The following RFX3 variants were observed in gnomAD, a reference collection of about 807,000 sequenced individuals.
The protein encoded by RFX3 is regulatory factor X3, also known as transcription factor RFX3.
RFX3 carries 14 observed loss-of-function variants against 98.6 expected under a neutral mutation model. The observed-to-expected ratio is 0.14, with a 90% CI of 0.09 to 0.22. RFX3 has a LOEUF of 0.22. RFX3 is among the 10% of genes least tolerant of loss of function. The pLI, the probability that RFX3 is intolerant of heterozygous loss-of-function variation, is 1.00. For synonymous variants in RFX3, 383 were observed against 328.4 expected (o/e 1.17, Z -1.80); for missense variants, 639 against 926.9 (o/e 0.69, Z 4.03).
intron 5 of RFX3, among the ~76,000 whole-genome samples, chr9:3,294,951 A>G (rs1827815203): frequency 6.6e-6 from 1 of 152,128 alleles, no homozygotes; most frequent in South Asian, 2.1e-4. Context: ...CAAAATAAAC[A>G]TTTGTTTTTA....
intron 4 of RFX3, 124 bp from the exon 5 acceptor site, chr9:3,301,744 C>T (rs7025328): frequency 0.12 from 71,220 of 593,848 alleles, 4,681 homozygotes; most frequent in African/African-American, 0.19. Context: ...TGAACAGTTG[C>T]CACTTAATGT....
chr9:3,304,435 A>G (rs931928661), intron 4 of RFX3, among the ~76,000 whole-genome samples: 1 of 152,020 alleles, frequency 6.6e-6, no homozygotes, highest in East Asian at 1.9e-4. Flanking sequence ...ATCCAGTAAG[A>G]GAGACAGGGT....
At chr9:3,525,155 G>T (rs1819132684) in intron 1 of RFX3, among the ~76,000 whole-genome samples, 1 of 151,902 alleles carries the variant, frequency 6.6e-6, no homozygotes, top group Admixed American at 6.6e-5. Flanking sequence ...AAAAATGAAG[G>T]GAATGGGCGG....
At chr9:3,452,129 G>A (rs1048786453) in intron 1 of RFX3, among the ~76,000 whole-genome samples, 1 of 150,448 alleles carries the variant, frequency 6.6e-6, no homozygotes, top group Non-Finnish European at 1.5e-5. Flanking sequence ...ACCCCTATGG[G>A]GATGGTGGGT....
At chr9:3,495,174 G>A (rs1269909159) in intron 1 of RFX3, among the ~76,000 whole-genome samples, 3 of 150,996 alleles carry the variant, frequency 2.0e-5, no homozygotes, top group African/African-American at 7.3e-5. Context: ...AGAATATCAA[G>A]GAAAAAAAGA....
chr9:3,508,970 C>T, intron 1 of RFX3, among the ~76,000 whole-genome samples: 1 of 151,862 alleles, frequency 6.6e-6, no homozygotes, highest in Non-Finnish European at 1.5e-5. Context: ...CACACACACA[C>T]ACACACAGAA....
chr9:3,289,397 G>A (rs182661657), intron 6 of RFX3, among the ~76,000 whole-genome samples: 16 of 152,120 alleles, frequency 1.1e-4, no homozygotes, highest in South Asian at 2.1e-4. Flanking sequence ...CTTAACGCCC[G>A]TAAAGAAAGG....
intron 14 of RFX3, among the ~76,000 whole-genome samples, chr9:3,253,550 T>G (rs78169311): frequency 1.3e-3 from 1 of 770 alleles, no homozygotes; most frequent in African/African-American, 1.4e-3. Context: ...AAGGCAGTGA[T>G]TTTTTTTTTC....
intron 14 of RFX3, among the ~76,000 whole-genome samples, chr9:3,250,582 C>T (rs552171660): frequency 2.2e-4 from 33 of 152,114 alleles, no homozygotes; most frequent in African/African-American, 7.7e-4. Flanking sequence ...AAACCTTTGA[C>T]CCAGCAATCT....
chr9:3,426,759 G>A (rs1445346714), intron 1 of RFX3, among the ~76,000 whole-genome samples: 1 of 152,124 alleles, frequency 6.6e-6, no homozygotes, highest in Non-Finnish European at 1.5e-5. Flanking sequence ...CCCCAGATGG[G>A]ACTGTCTAGC....
Position 3,383,174 on chromosome 9 carries a change from G to A in RFX3, c.117+12298C>T, listed in dbSNP as rs918847836. Reference sequence around the variant, plus strand: ...TATCATTTTTCCCTCTTTTTTTAAGGTTCTATATTTATTGATGTTCATACT... The same window carrying A: ...TATCATTTTTCCCTCTTTTTTTAAGATTCTATATTTATTGATGTTCATACT... On this transcript the variant is annotated intron_variant, in intron 2 of 16. Coordinates refer to ENST00000617270, the MANE Select transcript of RFX3 (RefSeq NM_001282116.2). Among the ~76,000 whole-genome samples the A allele has an allele frequency of 4.7e-4, 72 of 151,710 alleles. 1 individual carries two copies. Among genetic ancestry groups the A allele is most frequent in the Admixed American group, 4.6e-3 (70 of 15,210 alleles).
At chr9:3,345,686 C>T (rs533768342) in intron 3 of RFX3, among the ~76,000 whole-genome samples, 21 of 152,046 alleles carry the variant, frequency 1.4e-4, no homozygotes, top group Non-Finnish European at 2.8e-4. Context: ...AATTATAAAA[C>T]GAATACAAAA....
intron 1 of RFX3, among the ~76,000 whole-genome samples, chr9:3,507,273 G>A (rs1373652357): frequency 1.3e-5 from 2 of 151,858 alleles, no homozygotes; most frequent in African/African-American, 4.8e-5. Context: ...AAGTAGGGTA[G>A]AAAACACATT....
chr9:3,228,774 T>C, intron 16 of RFX3, 73 bp downstream of exon 16: 3 of 1,233,000 alleles, frequency 2.4e-6, no homozygotes, highest in East Asian at 2.4e-5. Context: ...TGTAAACATA[T>C]ACCGTATTTT....
At chr9:3,395,021 C>T (rs1319122203) in intron 2 of RFX3, 1 of 216,970 alleles carries the variant, frequency 4.6e-6, no homozygotes, top group Non-Finnish European at 7.8e-6. Flanking sequence ...TGCAAAGGCA[C>T]TTTCTAAAAT....
intron 1 of RFX3, among the ~76,000 whole-genome samples, chr9:3,513,661 G>A (rs1817859685): frequency 6.6e-6 from 1 of 152,216 alleles, no homozygotes; most frequent in East Asian, 1.9e-4. Flanking sequence ...GACTGGAAGT[G>A]AGTGTTGCAT....
At chr9:3,257,300 A>C in intron 13 of RFX3, 101 bp from the exon 14 acceptor site, 1 of 908,738 alleles carries the variant, frequency 1.1e-6, no homozygotes, top group Admixed American at 2.5e-5. Context: ...ATTATAATAA[A>C]AGCTTCACAC....
At chr9:3,374,670 G>A (rs1838250219) in intron 2 of RFX3, among the ~76,000 whole-genome samples, 1 of 152,040 alleles carries the variant, frequency 6.6e-6, no homozygotes, top group African/African-American at 2.4e-5. Flanking sequence ...CAAATTCATA[G>A]AAACAAAATT....
At chr9:3,404,768 G>C (rs768054829) in intron 1 of RFX3, among the ~76,000 whole-genome samples, 1 of 151,868 alleles carries the variant, frequency 6.6e-6, no homozygotes, top group Admixed American at 6.6e-5. Context: ...TCAAACTTTG[G>C]TGGTCTTCGA....
Sources: allele counts gnomAD v4.1 joint callset (sites outside exome capture counted in the v4.1 genomes callset), GRCh38; gene constraint gnomAD v4.1.1; transcripts MANE v1.5; gene names NCBI Gene and HGNC (gene_info 2026-07-23, HGNC 2026-07-21).